DLG2: variants seen among roughly 807,000 people sequenced by gnomAD.
The protein encoded by DLG2 is discs large MAGUK scaffold protein 2, also known as disks large homolog 2.
DLG2 carries 45 observed loss-of-function variants against 132.5 expected under a neutral mutation model. The observed-to-expected ratio is 0.34, with a 90% CI of 0.27 to 0.44. The LOEUF is 0.44. DLG2 is among the 20% of genes least tolerant of loss of function. DLG2 has a pLI of 1.00. For missense variants in DLG2, 1,045 were observed against 1,196.9 expected (o/e 0.87, Z 1.87); for synonymous variants, 424 against 419.6 (o/e 1.01, Z -0.13).
At position 83,508,983 on chromosome 11, in the gene DLG2, G is replaced by A. The variant is rs536240598; in HGVS notation, c.2193+23725C>T. Among the ~76,000 whole-genome samples the A allele has an allele frequency of 2.2e-4, 33 of 152,342 alleles. No homozygotes were observed. The South Asian group carries it at 6.6e-3, about 31-fold the overall frequency. On this transcript the variant is annotated intron_variant, in intron 21 of 27. Coordinates refer to ENST00000376104, the MANE Select transcript of DLG2 (RefSeq NM_001142699.3). ...TGTCTGCAGTAGAGGAACAGATGCT[G>A]TGACCTATTACAGGCAGGAAGGGAG...
chr11:83,578,045 T>TGTGTGTGTGTGTGTGTATAC (rs2144574717), intron 19 of DLG2, among the ~76,000 whole-genome samples: 1 of 118,830 alleles, frequency 8.4e-6, no homozygotes, highest in African/African-American at 3.3e-5. Context: ...GTTTATTTTG[T>TGTGTGTGTGTGTGTGTATAC]GTGTGTGTGT....
intron 7 of DLG2, among the ~76,000 whole-genome samples, chr11:84,522,072 G>A (rs1328135008): frequency 6.6e-5 from 10 of 152,188 alleles, no homozygotes; most frequent in Non-Finnish European, 1.3e-4. Flanking sequence ...GGAAGCTGAA[G>A]CAGGCGAATC....
chr11:84,566,203 T>C (rs1347595649), intron 6 of DLG2, among the ~76,000 whole-genome samples: 2 of 152,030 alleles, frequency 1.3e-5, no homozygotes, highest in African/African-American at 4.8e-5. Context: ...CCTCAATTGA[T>C]CCACCCTCCT....
At chr11:84,798,576 G>T (rs998531041) in intron 6 of DLG2, among the ~76,000 whole-genome samples, 2 of 152,136 alleles carry the variant, frequency 1.3e-5, no homozygotes, top group African/African-American at 4.8e-5. Flanking sequence ...AGGACAGAAG[G>T]CTCTCCTCTG....
At position 84,947,002 on chromosome 11, in the gene DLG2, G is replaced by A. The variant is rs559153675; in HGVS notation, c.357+164659C>T. Among the ~76,000 whole-genome samples the A allele has an allele frequency of 4.6e-5, 7 of 152,250 alleles. No homozygotes were observed. In the South Asian group the frequency reaches 1.5e-3, roughly 32 times the overall value. On this transcript the variant is annotated intron_variant, in intron 6 of 27. Transcript: ENST00000376104. ...CTTTCCATTATTATAGGACAGCACT[G>A]ATTTCCAATGCCAAGTCCAGCCATC...
In DLG2 at chr11:84,223,522, C is replaced by T. The variant is rs1028159946; in HGVS notation, c.573+27716G>A. 8.0e-5 allele frequency among the ~76,000 whole-genome samples: 12 copies of T among 150,706 alleles called. No homozygotes were observed. The South Asian group carries it at 2.1e-3, about 26-fold the overall frequency. On this transcript the variant is annotated intron_variant, in intron 8 of 27. Transcript: ENST00000376104. The stretch of plus-strand genomic sequence containing the variant: ...TGTGCTCAGAGGCACACATGTCTTT[C>T]TCATAAGATCATTAATTGGGAAAAT...
At chr11:84,809,821 A>C (rs989808643) in intron 6 of DLG2, among the ~76,000 whole-genome samples, 2 of 152,046 alleles carry the variant, frequency 1.3e-5, no homozygotes, top group East Asian at 1.9e-4. Context: ...GAAGTGAGAG[A>C]AATCATTCCA....
intron 3 of DLG2, among the ~76,000 whole-genome samples, chr11:85,332,470 C>A (rs2081832227): frequency 6.6e-6 from 1 of 152,088 alleles, no homozygotes; most frequent in East Asian, 1.9e-4. Flanking sequence ...TTAACTAAGT[C>A]CCTCTTGTCT....
In DLG2 at chr11:85,421,140, C is replaced by T. The variant is rs149009683; in HGVS notation, c.41-135775G>A. 3.1e-3 allele frequency among the ~76,000 whole-genome samples: 473 copies of T among 152,218 alleles called. 1 individual carries two copies. Among genetic ancestry groups the T allele is most frequent in the African/African-American group, 0.011 (454 of 41,554 alleles). ...CCTGTTTTGTGGGTTGTGAAGACCA[C>T]GGGAAAAGCATAGTATCGGAGCCGG... On this transcript the variant is annotated intron_variant, in intron 3 of 27. Transcript: ENST00000376104.
chr11:83,696,062 A>G (rs1009624172), intron 18 of DLG2, among the ~76,000 whole-genome samples: 3 of 152,188 alleles, frequency 2.0e-5, no homozygotes, highest in Non-Finnish European at 4.4e-5. Flanking sequence ...AGCAGAGTGA[A>G]CATGATCTGA....
chr11:85,128,033 A>G (rs146557188), intron 5 of DLG2, among the ~76,000 whole-genome samples: 1 of 152,144 alleles, frequency 6.6e-6, no homozygotes, highest in African/African-American at 2.4e-5. Context: ...TATTTACAAA[A>G]CAGATGTAGT....
At chr11:84,745,974 A>G (rs2065300885) in intron 6 of DLG2, among the ~76,000 whole-genome samples, 1 of 152,218 alleles carries the variant, frequency 6.6e-6, no homozygotes, top group South Asian at 2.1e-4. Context: ...CAAAAATTCC[A>G]GGTGGATTGC....
At chr11:83,863,853 G>C (rs2061843184) in intron 16 of DLG2, among the ~76,000 whole-genome samples, 1 of 152,116 alleles carries the variant, frequency 6.6e-6, no homozygotes. Context: ...CAAGGAGAGA[G>C]ACTTGAGGAC....
intron 16 of DLG2, among the ~76,000 whole-genome samples, chr11:83,852,801 C>T (rs1171192045): frequency 6.6e-6 from 1 of 152,152 alleles, no homozygotes; most frequent in African/African-American, 2.4e-5. Flanking sequence ...TTTTCTAATT[C>T]CTTCTTTTCT....
At chr11:85,551,554 T>C (rs1454597440) in intron 3 of DLG2, among the ~76,000 whole-genome samples, 10 of 152,070 alleles carry the variant, frequency 6.6e-5, no homozygotes, top group Admixed American at 6.5e-4. Context: ...ATTAAATTAA[T>C]ATAAATTCAC....
At chr11:84,501,207 T>G (rs1298360456) in intron 7 of DLG2, among the ~76,000 whole-genome samples, 2 of 152,244 alleles carry the variant, frequency 1.3e-5, no homozygotes, top group Non-Finnish European at 2.9e-5. Flanking sequence ...AGCTTTTAAT[T>G]ATGAAGAACT....
chr11:83,632,150 C>T (rs575180438), intron 19 of DLG2: 1 of 152,298 alleles, frequency 6.6e-6, no homozygotes, highest in African/African-American at 2.4e-5. Flanking sequence ...CCTATGAGAA[C>T]CTGTGCCTTC....
chr11:83,696,720 T>C (rs1407972682), intron 18 of DLG2, among the ~76,000 whole-genome samples: 2 of 152,128 alleles, frequency 1.3e-5, no homozygotes, highest in African/African-American at 4.8e-5. Context: ...ATTAAACAAA[T>C]ATTGAGTAAA....
intron 19 of DLG2, among the ~76,000 whole-genome samples, chr11:83,547,179 A>G (rs1490387972): frequency 1.3e-5 from 2 of 152,164 alleles, no homozygotes; most frequent in African/African-American, 4.8e-5. Context: ...ATAGCAGCGA[A>G]TGATGAGGAT....
Sources: allele counts gnomAD v4.1 joint callset (sites outside exome capture counted in the v4.1 genomes callset), GRCh38; gene constraint gnomAD v4.1.1; transcripts MANE v1.5; gene names NCBI Gene and HGNC (gene_info 2026-07-23, HGNC 2026-07-21).